ANK3: variants seen among roughly 807,000 people sequenced by gnomAD.
The protein encoded by ANK3 is ankyrin 3, also known as ankyrin-3.
In ANK3, 57 loss-of-function variants were observed where a neutral mutation model predicts 370.9. The observed-to-expected ratio is 0.15, with a 90% CI of 0.12 to 0.19. The LOEUF (loss-of-function observed/expected upper bound fraction) is 0.19. Ranked by LOEUF, ANK3 falls within the 10% of genes least tolerant of loss-of-function variation. ANK3 has a pLI of 1.00. For missense variants in ANK3, 4,439 were observed against 5,302.1 expected (o/e 0.84, Z 5.06); for synonymous variants, 1,929 against 1,946.3 (o/e 0.99, Z 0.23).
At chr10:60,395,573 TTTCTTTC>T (rs769101968) in intron 2 of ANK3, among the ~76,000 whole-genome samples, 27 of 99,806 alleles carry the variant, frequency 2.7e-4, no homozygotes, top group Non-Finnish European at 4.6e-4. Flanking sequence ...TCTTTCTTTC[TTTCTTTC>T]TTTCTTTCTT....
Position 60,402,819 on chromosome 10 carries a change from A to C in ANK3, c.97-123180T>G, listed in dbSNP as rs2063378891. Among the ~76,000 whole-genome samples the C allele has an allele frequency of 2.0e-5, 3 of 152,192 alleles. No individual in the cohort carries two copies. The South Asian group carries it at 6.2e-4, about 32-fold the overall frequency. The stretch of plus-strand genomic sequence containing the variant: ...CACCTAGCAGACTGGCAGGTAACCA[A>C]AGACGCTATTTGTGGGAACCTGCCT... On this transcript the variant is annotated intron_variant, in intron 2 of 43. Coordinates refer to the ANK3 transcript ENST00000373827.
At position 60,220,243 on chromosome 10, in the gene ANK3, T is replaced by C. The variant is rs180854014; in HGVS notation, c.898-6733A>G. 2.4e-3 allele frequency among the ~76,000 whole-genome samples: 362 copies of C among 152,304 alleles called. 6 individuals are homozygous for C. Among genetic ancestry groups the C allele is most frequent in the African/African-American group, 8.4e-3 (350 of 41,574 alleles). ...GTCAAAATTGTTTCATTTTCTCTTC[T>C]GCAGATTCTAAGTAAAAAATGACAA... On this transcript the variant is annotated intron_variant, in intron 8 of 43. Transcript: ENST00000280772.
In ANK3 at chr10:60,257,723, T is replaced by C. The variant is rs111231954; in HGVS notation, c.798+4136A>G. Among the ~76,000 whole-genome samples the C allele has an allele frequency of 2.3e-3, 350 of 152,298 alleles. 2 individuals are homozygous for C. The highest frequency in any genetic ancestry group is 8.0e-3 in the African/African-American group (333 of 41,576). On this transcript the variant is annotated intron_variant, in intron 7 of 43. Coordinates refer to ENST00000280772, the MANE Select transcript of ANK3 (RefSeq NM_020987.5). ...ATTCCTGCTGCTTGGTAACATTTAC[T>C]TTTTTGGTTCCGCCCTTCACGTCTG...
chr10:60,561,837 T>A (rs1463798168), intron 2 of ANK3, among the ~76,000 whole-genome samples: 1 of 152,178 alleles, frequency 6.6e-6, no homozygotes, highest in East Asian at 1.9e-4. Context: ...AAGAGTCATA[T>A]CAGCCAGACC....
intron 1 of ANK3, among the ~76,000 whole-genome samples, chr10:60,721,022 T>C (rs552868472): frequency 1.9e-4 from 29 of 152,310 alleles, no homozygotes; most frequent in African/African-American, 7.0e-4. Context: ...GCACCAGATG[T>C]GCTAGATCCT....
At chr10:60,456,945 C>T (rs1475255253) in intron 2 of ANK3, among the ~76,000 whole-genome samples, 1 of 152,152 alleles carries the variant, frequency 6.6e-6, no homozygotes, top group African/African-American at 2.4e-5. Context: ...GGGCCATGTG[C>T]TTAGTTGCCT....
chr10:60,090,818 G>A (rs1302396786), intron 28 of ANK3, among the ~76,000 whole-genome samples: 1 of 152,210 alleles, frequency 6.6e-6, no homozygotes, highest in Non-Finnish European at 1.5e-5. Flanking sequence ...CTGCAAGTGG[G>A]TGTGAATGGC....
chr10:60,422,968 G>A (rs570613871), intron 2 of ANK3, among the ~76,000 whole-genome samples: 25 of 152,132 alleles, frequency 1.6e-4, no homozygotes, highest in African/African-American at 5.8e-4. Context: ...TTGACATTTG[G>A]TGAAGGACAA....
At chr10:60,611,863 A>G (rs1297245634) in intron 2 of ANK3, among the ~76,000 whole-genome samples, 1 of 151,066 alleles carries the variant, frequency 6.6e-6, no homozygotes, top group South Asian at 2.1e-4. Context: ...GTCATATTCT[A>G]TAGAGACACA....
At chr10:60,261,764 T>A (rs1243324707) in intron 7 of ANK3, 95 bp downstream of exon 7, 2 of 1,053,824 alleles carry the variant, frequency 1.9e-6, no homozygotes, top group African/African-American at 3.1e-5. Context: ...GAAGGACTCT[T>A]GGAGAAAATT....
At chr10:60,134,955 C>G (rs1051118897) in intron 24 of ANK3, among the ~76,000 whole-genome samples, 2 of 152,196 alleles carry the variant, frequency 1.3e-5, no homozygotes, top group African/African-American at 4.8e-5. Context: ...GTTATTTGGT[C>G]TTTTCTGCAA....
chr10:60,696,315 C>A (rs1227995910), intron 1 of ANK3, among the ~76,000 whole-genome samples: 28 of 145,944 alleles, frequency 1.9e-4, no homozygotes, highest in South Asian at 1.3e-3. Flanking sequence ...CCGAATTCTA[C>A]CAGAGGTACA....
intron 35 of ANK3, chr10:60,081,827 T>G (rs1168898434): frequency 4.2e-6 from 1 of 235,412 alleles, no homozygotes; most frequent in Non-Finnish European, 8.3e-6. Context: ...TTTCCCCCTT[T>G]CTCACTATTG....
intron 2 of ANK3, among the ~76,000 whole-genome samples, chr10:60,532,212 A>T (rs754247341): frequency 1.3e-5 from 2 of 152,194 alleles, no homozygotes; most frequent in African/African-American, 4.8e-5. Flanking sequence ...ACCCAGTTGC[A>T]TACTTACTTC....
intron 7 of ANK3, among the ~76,000 whole-genome samples, chr10:60,235,664 T>C (rs566844980): frequency 6.6e-6 from 1 of 150,792 alleles, no homozygotes; most frequent in East Asian, 2.0e-4. Context: ...GCCTCCCAAG[T>C]AGCTGGAACT....
chr10:60,592,847 C>T (rs1243734620), intron 2 of ANK3, among the ~76,000 whole-genome samples: 1 of 152,158 alleles, frequency 6.6e-6, no homozygotes, highest in Non-Finnish European at 1.5e-5. Flanking sequence ...CTCCTTCTGA[C>T]GGTTCTGGTA....
At chr10:60,605,700 T>C (rs2078120070) in intron 2 of ANK3, among the ~76,000 whole-genome samples, 2 of 152,166 alleles carry the variant, frequency 1.3e-5, no homozygotes, top group Admixed American at 1.3e-4. Context: ...GAAAAATCAA[T>C]GGACAAAGGC....
intron 2 of ANK3, among the ~76,000 whole-genome samples, chr10:60,590,866 ATTG>A (rs1470615705): frequency 6.6e-6 from 1 of 152,066 alleles, no homozygotes; most frequent in African/African-American, 2.4e-5. Flanking sequence ...TTATTGTTGT[ATTG>A]TTATTTTTTA....
At chr10:60,258,538 T>C (rs960293700) in intron 7 of ANK3, among the ~76,000 whole-genome samples, 1 of 152,242 alleles carries the variant, frequency 6.6e-6, no homozygotes, top group Non-Finnish European at 1.5e-5. Flanking sequence ...ATGAATTAGT[T>C]GGCACTACAA....
Sources: gnomAD v4.1 joint callset for allele counts (sites outside exome capture counted in the v4.1 genomes callset) on GRCh38, gnomAD v4.1.1 for gene constraint, MANE v1.5 for transcripts, NCBI Gene and HGNC (gene_info 2026-07-23, HGNC 2026-07-21) for gene names.